Variants in PRKCH observed in about 807,000 individuals in gnomAD.
The protein encoded by PRKCH is protein kinase C eta, also known as protein kinase C eta type.
A neutral mutation model predicts 82.5 loss-of-function variants in PRKCH; 28 were observed. The ratio of observed to expected loss-of-function variants is 0.34; its 90% CI spans 0.25 to 0.47. PRKCH has a LOEUF of 0.47. PRKCH is among the 20% of genes least tolerant of loss of function. PRKCH has a pLI of 1.00. For synonymous variants in PRKCH, 322 were observed against 327.4 expected (o/e 0.98, Z 0.18); for missense variants, 705 against 881.8 (o/e 0.80, Z 2.54).
chr14:61,193,468 AAAC>A (rs1361257020), intron 1 of PRKCH, among the ~76,000 whole-genome samples: 1 of 152,194 alleles, frequency 6.6e-6, no homozygotes, highest in Non-Finnish European at 1.5e-5. Flanking sequence ...TGTTAATTAT[AAAC>A]AACATCACCT....
At chr14:61,501,794 A>T (rs1886920706) in intron 10 of PRKCH, among the ~76,000 whole-genome samples, 1 of 152,152 alleles carries the variant, frequency 6.6e-6, no homozygotes, top group South Asian at 2.1e-4. Context: ...AGCTGTTCTA[A>T]AATGATTACA....
At chr14:61,267,488 A>G (rs567358388) in intron 1 of PRKCH, among the ~76,000 whole-genome samples, 17 of 152,312 alleles carry the variant, frequency 1.1e-4, no homozygotes, top group Non-Finnish European at 2.1e-4. Flanking sequence ...TGAGCCCCTC[A>G]GCTACCCTTC....
chr14:61,352,742 G>GAAAC (rs1297768525), intron 1 of PRKCH, among the ~76,000 whole-genome samples: 4 of 150,282 alleles, frequency 2.7e-5, no homozygotes, highest in Admixed American at 2.0e-4. Flanking sequence ...AAGAAAGAAA[G>GAAAC]ATGTCCTAGA....
At chr14:61,465,437 C>A (rs1487026644) in intron 9 of PRKCH, among the ~76,000 whole-genome samples, 1 of 152,146 alleles carries the variant, frequency 6.6e-6, no homozygotes, top group African/African-American at 2.4e-5. Context: ...TATTCTTCTG[C>A]ATGTAGATAT....
At chr14:61,285,938 TAC>T (rs1319684293) in intron 1 of PRKCH, among the ~76,000 whole-genome samples, 6 of 152,376 alleles carry the variant, frequency 3.9e-5, no homozygotes, top group South Asian at 2.1e-4. Flanking sequence ...CTGTTCCATT[TAC>T]ACAGAGTCCC....
chr14:61,312,120 C>T (rs1184817979), intron 1 of PRKCH, among the ~76,000 whole-genome samples: 1 of 152,204 alleles, frequency 6.6e-6, no homozygotes, highest in Non-Finnish European at 1.5e-5. Flanking sequence ...CAAGCCATAT[C>T]AACTACATAG....
rs1387834522 is a variant in PRKCH, at chr14:61,457,307, G to A, written c.1092G>A (p.Gly364=). Residue 364 remains glycine (G), a synonymous_variant, in exon 8 of 14, where the codon GGG becomes GGA. Coordinates refer to ENST00000332981, the MANE Select transcript of PRKCH (RefSeq NM_006255.5). ...AGTTCATCCGAGTGTTGGGGAAGGG[G>A]AGTTTTGGGAAGGTGAGTCTTGGCT... is the stretch of plus-strand genomic sequence containing the variant. ...NFEFIRVLGK[G]SFGKVMLARV... 3 of 1,614,134 alleles carry A rather than the reference G, an allele frequency of 1.9e-6. No homozygotes were observed. The highest frequency in any genetic ancestry group is 2.2e-5 in the East Asian group (1 of 44,870).
At chr14:61,367,740 A>C (rs893925746) in intron 1 of PRKCH, among the ~76,000 whole-genome samples, 1 of 143,606 alleles carries the variant, frequency 7.0e-6, no homozygotes, top group Non-Finnish European at 1.5e-5. Flanking sequence ...TTTTTTAAAC[A>C]GTCTCGCTCT....
intron 9 of PRKCH, among the ~76,000 whole-genome samples, chr14:61,465,774 A>G (rs1212495285): frequency 2.6e-5 from 4 of 152,196 alleles, no homozygotes; most frequent in Non-Finnish European, 4.4e-5. Context: ...CTTCAATAAT[A>G]TACTATTTGA....
intron 1 of PRKCH, among the ~76,000 whole-genome samples, chr14:61,390,245 C>A (rs2140199904): frequency 6.6e-6 from 1 of 152,282 alleles, no homozygotes; most frequent in South Asian, 2.1e-4. Context: ...TGTATGGGGT[C>A]TTTCGGAAAC....
At chr14:61,424,214 G>A (rs1249536800) in intron 2 of PRKCH, among the ~76,000 whole-genome samples, 2 of 152,146 alleles carry the variant, frequency 1.3e-5, no homozygotes, top group African/African-American at 4.8e-5. Flanking sequence ...TGTGAGAATG[G>A]ACTAATATAG....
chr14:61,194,908 A>G (rs2044430535), intron 1 of PRKCH, among the ~76,000 whole-genome samples: 1 of 151,902 alleles, frequency 6.6e-6, no homozygotes, highest in African/African-American at 2.4e-5. Flanking sequence ...TAATTTTTGT[A>G]TTTCTAGTCG....
Position 61,487,840 on chromosome 14 carries a change from A to AC in PRKCH, c.1433+2184_1433+2185insC, listed in dbSNP as rs1459078766. On this transcript the variant is annotated intron_variant, in intron 10 of 13. Coordinates refer to ENST00000332981, the MANE Select transcript of PRKCH (RefSeq NM_006255.5). Reference sequence around the variant, plus strand: ...AGACCCCTATCTCTACAAAAAAAAAAAAACATATACATATATGTTAAAAAA... The same window carrying AC: ...AGACCCCTATCTCTACAAAAAAAAAACAAACATATACATATATGTTAAAAAA... Among the ~76,000 whole-genome samples the AC allele has an allele frequency of 2.6e-3, 396 of 151,594 alleles. 2 individuals carry two copies. Among genetic ancestry groups the AC allele is most frequent in the African/African-American group, 8.9e-3 (368 of 41,370 alleles).
chr14:61,459,463 G>A lies in PRKCH; in HGVS notation c.1278+1784G>A, dbSNP rs1342969323. ...AGGCTCAGCACACACAGCATATCGA[G>A]GTTGAACAGGGGCCTTGAGAACTGA... On this transcript the variant is annotated intron_variant, in intron 9 of 13. Transcript: ENST00000332981. Among the ~76,000 whole-genome samples the A allele has an allele frequency of 2.0e-5, 3 of 152,210 alleles. No individual in the cohort carries two copies. In the East Asian group the frequency reaches 5.8e-4, roughly 29 times the overall value.
chr14:61,534,664 G>A (rs968468860), intron 12 of PRKCH, among the ~76,000 whole-genome samples: 4 of 152,054 alleles, frequency 2.6e-5, no homozygotes, highest in Admixed American at 6.5e-5. Context: ...TGTAGAGCTG[G>A]AAATAGTTTA....
intron 1 of PRKCH, among the ~76,000 whole-genome samples, chr14:61,295,124 C>T (rs2045396274): frequency 6.6e-6 from 1 of 152,162 alleles, no homozygotes; most frequent in Non-Finnish European, 1.5e-5. Flanking sequence ...CCTCGACCTC[C>T]CAAAGTGTTG....
chr14:61,431,868 A>G (rs1464342269), intron 2 of PRKCH, among the ~76,000 whole-genome samples: 1 of 152,120 alleles, frequency 6.6e-6, no homozygotes, highest in Non-Finnish European at 1.5e-5. Flanking sequence ...TCTTTTGGCT[A>G]GTATTTGCCC....
upstream of PRKCH, among the ~76,000 whole-genome samples, chr14:61,316,679 C>T (rs1330253581): frequency 1.3e-5 from 2 of 152,160 alleles, no homozygotes; most frequent in Admixed American, 1.3e-4. Context: ...CAGACAATTC[C>T]TTCTTACGGA....
chr14:61,549,344 G>C (rs1259917822), intron 13 of PRKCH, among the ~76,000 whole-genome samples: 5 of 152,238 alleles, frequency 3.3e-5, no homozygotes, highest in African/African-American at 1.2e-4. Flanking sequence ...CCCTCAGCGA[G>C]GCCTGCTGTG....
Sources: gnomAD v4.1 joint callset for allele counts (sites outside exome capture counted in the v4.1 genomes callset) on GRCh38, gnomAD v4.1.1 for gene constraint, MANE v1.5 for transcripts, NCBI Gene and HGNC (gene_info 2026-07-23, HGNC 2026-07-21) for gene names.